The following NAALADL2 variants were observed in gnomAD, a reference collection of about 807,000 sequenced individuals.
NAALADL2 encodes the protein N-acetylated alpha-linked acidic dipeptidase like 2, also known as inactive N-acetylated-alpha-linked acidic dipeptidase-like protein 2.
NAALADL2 carries 76 observed loss-of-function variants against 87.2 expected under a neutral mutation model. The ratio of observed to expected loss-of-function variants is 0.87; its 90% CI spans 0.72 to 1.05. The LOEUF is 1.05. Ranked by LOEUF, NAALADL2 falls within the 50% of genes least tolerant of loss-of-function variation. The pLI is 0.00. For synonymous variants in NAALADL2, 354 were observed against 331.0 expected (o/e 1.07, Z -0.75); for missense variants, 1,089 against 945.8 (o/e 1.15, Z -1.99).
At chr3:175,588,753 T>A (rs1052393848) in intron 10 of NAALADL2, among the ~76,000 whole-genome samples, 1 of 152,080 alleles carries the variant, frequency 6.6e-6, no homozygotes, top group Non-Finnish European at 1.5e-5. Context: ...TTAGCCAGGA[T>A]GGTCTCGATC....
In NAALADL2 at chr3:174,713,626, T is replaced by C. The variant is rs145841049; in HGVS notation, c.-114-24015T>C. Among the ~76,000 whole-genome samples, 681 of 152,224 alleles carry C rather than the reference T, an allele frequency of 4.5e-3. 3 individuals are homozygous for C. The highest frequency in any genetic ancestry group is 0.018 in the East Asian group (93 of 5,182). The stretch of plus-strand genomic sequence containing the variant: ...TGTTTTGAGAAGTGTCTGTTCATAT[T>C]GTTCACCCACTTTTTGATGGGGTTG... On this transcript the variant is annotated intron_variant, in intron 2 of 3. Coordinates refer to the NAALADL2 transcript ENST00000434257.
At chr3:174,480,114 T>C (rs997514648) in intron 1 of NAALADL2, among the ~76,000 whole-genome samples, 9 of 152,128 alleles carry the variant, frequency 5.9e-5, no homozygotes, top group African/African-American at 2.2e-4. Context: ...GTTTATTGTT[T>C]CTTCCTATTC....
At chr3:175,211,901 A>G (rs1197263391) in intron 2 of NAALADL2, among the ~76,000 whole-genome samples, 2 of 152,064 alleles carry the variant, frequency 1.3e-5, no homozygotes, top group East Asian at 1.9e-4. Context: ...ATTTTGTAAT[A>G]GCAGACATAC....
intron 2 of NAALADL2, among the ~76,000 whole-genome samples, chr3:174,712,096 G>A (rs1470062843): frequency 6.6e-6 from 1 of 151,912 alleles, no homozygotes; most frequent in East Asian, 1.9e-4. Flanking sequence ...CCTAACATAT[G>A]AATTTCTTTT....
intron 1 of NAALADL2, among the ~76,000 whole-genome samples, chr3:175,032,617 G>C (rs1752933173): frequency 1.3e-5 from 2 of 151,844 alleles, no homozygotes; most frequent in Admixed American, 1.3e-4. Context: ...CCTTTACCTG[G>C]CAGGCTCTTT....
At chr3:174,747,621 C>CAAAAAA (rs150843588) in intron 3 of NAALADL2, among the ~76,000 whole-genome samples, 72 of 38,320 alleles carry the variant, frequency 1.9e-3, no homozygotes, top group African/African-American at 2.0e-3. Flanking sequence ...GACCCCATCT[C>CAAAAAA]AAAAAAAAAA....
rs191877926 is a variant in NAALADL2, at chr3:174,573,355, C to T, written c.-115+22718C>T. Among the ~76,000 whole-genome samples the T allele has an allele frequency of 3.3e-5, 5 of 152,222 alleles. No individual in the cohort carries two copies. In the East Asian group the frequency reaches 9.7e-4, roughly 29 times the overall value. On this transcript the variant is annotated intron_variant, in intron 2 of 3. Coordinates refer to the NAALADL2 transcript ENST00000434257. ...CAGTCATAGCTCACTGCAGCCTTGA[C>T]ATCCTGAGCTCAAGAGAGCCTTCTG...
chr3:175,609,011 T>C (rs1724190454), intron 10 of NAALADL2, among the ~76,000 whole-genome samples: 2 of 143,292 alleles, frequency 1.4e-5, no homozygotes, highest in African/African-American at 5.1e-5. Context: ...TTTTTTTTTT[T>C]AGTAGTAGTA....
At chr3:174,792,212 C>A (rs1197022124) in intron 3 of NAALADL2, among the ~76,000 whole-genome samples, 1 of 150,496 alleles carries the variant, frequency 6.6e-6, no homozygotes, top group Non-Finnish European at 1.5e-5. Context: ...GAGAGTGAGA[C>A]CCTGTCTCAA....
intron 1 of NAALADL2, among the ~76,000 whole-genome samples, chr3:175,053,622 A>C (rs1255381807): frequency 6.6e-6 from 1 of 152,190 alleles, no homozygotes; most frequent in African/African-American, 2.4e-5. Context: ...CCAAGTTATT[A>C]TTTTACCTAT....
chr3:174,998,264 G>A (rs1747795510), intron 1 of NAALADL2, among the ~76,000 whole-genome samples: 1 of 152,188 alleles, frequency 6.6e-6, no homozygotes, highest in East Asian at 1.9e-4. Context: ...GGAAACTGAG[G>A]CAGCCAAACA....
intron 3 of NAALADL2, among the ~76,000 whole-genome samples, chr3:174,828,576 A>G (rs979772604): frequency 3.9e-5 from 6 of 152,176 alleles, no homozygotes; most frequent in African/African-American, 1.4e-4. Flanking sequence ...AAACAAAACA[A>G]AACAAAAACA....
chr3:174,923,132 T>A (rs1735478931), intron 1 of NAALADL2, among the ~76,000 whole-genome samples: 2 of 152,138 alleles, frequency 1.3e-5, no homozygotes, highest in South Asian at 4.1e-4. Flanking sequence ...TGAAATGTCT[T>A]GTGGTAATAG....
intron 8 of NAALADL2, among the ~76,000 whole-genome samples, chr3:175,467,965 G>A (rs1560601620): frequency 6.6e-6 from 1 of 152,062 alleles, no homozygotes; most frequent in Non-Finnish European, 1.5e-5. Context: ...ATAGACATAT[G>A]TAGACCAAAA....
chr3:174,938,805 C>G (rs1738113970), intron 1 of NAALADL2, among the ~76,000 whole-genome samples: 1 of 151,868 alleles, frequency 6.6e-6, no homozygotes, highest in South Asian at 2.1e-4. Flanking sequence ...GCTTGTTGAT[C>G]ACATACATGT....
chr3:175,440,442 G>T (rs184543765), intron 5 of NAALADL2, among the ~76,000 whole-genome samples: 1 of 151,994 alleles, frequency 6.6e-6, no homozygotes, highest in East Asian at 1.9e-4. Context: ...TATTTTGATC[G>T]AAATTACATT....
intron 8 of NAALADL2, among the ~76,000 whole-genome samples, chr3:175,470,571 A>G (rs1328045134): frequency 6.6e-6 from 1 of 152,124 alleles, no homozygotes; most frequent in Non-Finnish European, 1.5e-5. Flanking sequence ...CTTCCATTTC[A>G]TAGTATTAGA....
chr3:174,695,733 A>T (rs1728956876), intron 2 of NAALADL2, among the ~76,000 whole-genome samples: 1 of 152,070 alleles, frequency 6.6e-6, no homozygotes, highest in Non-Finnish European at 1.5e-5. Context: ...AAAACTGAAA[A>T]GGAACTTAGA....
At chr3:174,577,694 G>A (rs1026811375) in intron 2 of NAALADL2, among the ~76,000 whole-genome samples, 5 of 151,980 alleles carry the variant, frequency 3.3e-5, no homozygotes, top group African/African-American at 9.7e-5. Flanking sequence ...AGAATCCAGA[G>A]TTTTTGCCAG....
Sources: gnomAD v4.1 joint callset for allele counts (sites outside exome capture counted in the v4.1 genomes callset) on GRCh38, gnomAD v4.1.1 for gene constraint, MANE v1.5 for transcripts, NCBI Gene and HGNC (gene_info 2026-07-23, HGNC 2026-07-21) for gene names.